Variants in MARVELD3 observed in about 807,000 individuals in gnomAD.
The protein encoded by MARVELD3 is MARVEL domain containing 3.
A neutral mutation model predicts 33.5 loss-of-function variants in MARVELD3; 28 were observed. That is an observed-to-expected ratio of 0.84 (90% confidence interval 0.62 to 1.15). The LOEUF (loss-of-function observed/expected upper bound fraction) is 1.15. Ranked by LOEUF, MARVELD3 falls within the 50% of genes most tolerant of loss-of-function variation. The pLI is 0.00. For synonymous variants in MARVELD3, 241 were observed against 230.4 expected (o/e 1.05, Z -0.42); for missense variants, 582 against 547.6 (o/e 1.06, Z -0.63).
chr16:71,635,463 T>A lies in MARVELD3; in HGVS notation c.*660T>A, dbSNP rs574641197. The A allele has an allele frequency of 7.9e-5, 78 of 984,332 alleles. No individual in the cohort carries two copies. In the African/African-American group the frequency reaches 1.3e-3, roughly 16 times the overall value. 61.0% of individuals were successfully genotyped at this position (984,332 alleles called of 1,614,324 possible). On this transcript the variant is annotated 3_prime_UTR_variant, in exon 3 of 3. Coordinates refer to ENST00000268485, the MANE Select transcript of MARVELD3 (RefSeq NM_052858.6). ...TGATGAACCTTACCTTCAAAGTTCC[T>A]GGGCACAGTGGCTCACACCTGTAAT...
At position 71,635,045 on chromosome 16, in the gene MARVELD3, T is replaced by A; in HGVS notation, c.*242T>A. 8.4e-7 allele frequency: 1 copy of A among 1,192,114 alleles called. No individual in the cohort carries two copies. Among genetic ancestry groups the A allele is most frequent in the Non-Finnish European group, 1.0e-6 (1 of 956,846 alleles). 73.8% of individuals were successfully genotyped at this position (1,192,114 alleles called of 1,614,324 possible). ...AATTATTTTTCAAAAAGCAAAAAAA[T>A]GGCCGGCCTCGGCGGCTCACACCTG... On this transcript the variant is annotated 3_prime_UTR_variant, in exon 3 of 3. Coordinates refer to ENST00000268485, the MANE Select transcript of MARVELD3 (RefSeq NM_052858.6).
rs2044568612 is a variant in MARVELD3, at chr16:71,634,850, T to A, written c.*47T>A. ...AGATGCAAGTGGTGGTGGAAGGTAG[T>A]CTGAGCCACTGCCTTTCCCAAGAAT... is the stretch of plus-strand genomic sequence containing the variant. On this transcript the variant is annotated 3_prime_UTR_variant, in exon 3 of 3. Transcript: ENST00000268485. 1 of 1,528,082 alleles carries A rather than the reference T, an allele frequency of 6.5e-7. No homozygotes were observed. The highest frequency in any genetic ancestry group is 1.4e-5 in the African/African-American group (1 of 71,930). The allele number at this position is 1,528,082 out of a possible 1,614,324, so 94.7% of individuals were successfully genotyped here. A position where few individuals can be genotyped will look rare whatever the true frequency, so the allele number is the denominator to read the frequency against.
At chr16:71,636,882 C>T (rs1004526711), downstream of MARVELD3, among the ~76,000 whole-genome samples, 1 of 152,146 alleles carries the variant, frequency 6.6e-6, no homozygotes, top group African/African-American at 2.4e-5. Flanking sequence ...TGAGCCACCA[C>T]GCCAGACCCA....
chr16:71,640,504 G>A (rs2044609552), downstream of MARVELD3: 5 of 1,614,078 alleles, frequency 3.1e-6, no homozygotes, highest in Non-Finnish European at 4.2e-6. Context: ...GGTGGCTTTG[G>A]GAACAACTAC....
intron 1 of MARVELD3, among the ~76,000 whole-genome samples, chr16:71,627,778 G>T (rs1475244988): frequency 6.6e-6 from 1 of 151,968 alleles, no homozygotes; most frequent in African/African-American, 2.4e-5. Context: ...GGGGAGGGTG[G>T]GGGGGGAAGG....
At chr16:71,637,220 G>T (rs759448175), downstream of MARVELD3, among the ~76,000 whole-genome samples, 1 of 152,254 alleles carries the variant, frequency 6.6e-6, no homozygotes, top group South Asian at 2.1e-4. Context: ...GTCAGTTGGC[G>T]CAGTCAACAG....
intron 2 of MARVELD3, among the ~76,000 whole-genome samples, chr16:71,633,674 C>T (rs952494790): frequency 2.7e-5 from 4 of 149,828 alleles, no homozygotes; most frequent in East Asian, 3.9e-4. Flanking sequence ...GGATTACAGG[C>T]GTGAGCCACC....
chr16:71,640,505 G>A (rs1470551029), downstream of MARVELD3: 3 of 1,614,108 alleles, frequency 1.9e-6, no homozygotes, highest in Non-Finnish European at 2.5e-6. Flanking sequence ...GTGGCTTTGG[G>A]AACAACTACT....
At chr16:71,630,098 G>C (rs1396745316) in intron 2 of MARVELD3, among the ~76,000 whole-genome samples, 3 of 140,644 alleles carry the variant, frequency 2.1e-5, no homozygotes, top group Non-Finnish European at 4.7e-5. Flanking sequence ...AAAAAAAAAA[G>C]GGAAAAAGGC....
Position 71,626,419 on chromosome 16 carries a change from G to A in MARVELD3, c.190G>A (p.Glu64Lys). The A allele has an allele frequency of 1.3e-6, 2 of 1,546,704 alleles. No homozygotes were observed. Residue 64 changes from glutamate to lysine, a missense_variant, in exon 1 of 3, where the codon GAG becomes AAG. Glu to Lys is a moderately conservative substitution (Grantham distance 56). Transcript: ENST00000268485. This position sits in a 1 kb window ranked among gnomAD's most constrained non-coding sequence, Gnocchi z 5.3. ...GGACCGGGACCCGGAGAGAGACCAG[G>A]AGAGGGACGGGAACCGCGACCGGAA... ...DGDRDPERDQ[E>K]RDGNRDRNRD...
Position 71,626,753 on chromosome 16 carries a change from G to C in MARVELD3, c.467+57G>C. ...GCCGGGGACACCTGTGGCCCAGGCC[G>C]GCCCGCGAGGCCCTGGCGTCCCCGG... On this transcript the variant is annotated intron_variant, in intron 1 of 2. Coordinates refer to ENST00000268485, the MANE Select transcript of MARVELD3 (RefSeq NM_052858.6). This position sits in a 1 kb window ranked among gnomAD's most constrained non-coding sequence, Gnocchi z 5.3. The C allele has an allele frequency of 7.5e-7, 1 of 1,325,626 alleles. No homozygotes were observed. The highest frequency in any genetic ancestry group is 9.8e-7 in the Non-Finnish European group (1 of 1,024,880). 82.1% of individuals were successfully genotyped at this position (1,325,626 alleles called of 1,614,324 possible).
At chr16:71,629,531 C>T (rs1016525730) in intron 2 of MARVELD3, 37 bp downstream of exon 2, 2 of 1,534,302 alleles carry the variant, frequency 1.3e-6, no homozygotes, top group African/African-American at 1.4e-5. Context: ...CATTTACTGT[C>T]ACTGGTGGTT....
At position 71,626,600 on chromosome 16, in the gene MARVELD3, G is replaced by A. The variant is rs1372762477; in HGVS notation, c.371G>A (p.Trp124Ter). Residue 124 changes from tryptophan to a stop codon, truncating the protein, a stop_gained, in exon 1 of 3, where the codon TGG becomes TAG. Transcript: ENST00000268485. LOFTEE classifies it high-confidence loss of function. This position sits in a 1 kb window ranked among gnomAD's most constrained non-coding sequence, Gnocchi z 5.3. ...CGGGACGGAGCCCGGGGACTGACCT[G>A]GGACGCAGCCGCGCCTCCTGGGCCC... ...RTRDGARGLT[W>*]DAAAPPGPAP... 1.3e-6 allele frequency: 2 copies of A among 1,542,376 alleles called. No homozygotes were observed. The highest frequency in any genetic ancestry group is 1.7e-6 in the Non-Finnish European group (2 of 1,146,132).
rs1395046784 is a variant in MARVELD3, at chr16:71,634,302, TTAC to T, written c.711_713del (p.Tyr238del). On this transcript the variant is annotated inframe_deletion, in exon 3 of 3. Coordinates refer to ENST00000268485, the MANE Select transcript of MARVELD3 (RefSeq NM_052858.6). Reference sequence around the variant, plus strand: ...CGGGCATCACCAGCTTGGGGGGCATTTACTACTATCAGTTCGGAGGGGCTTACA... The same window carrying T: ...CGGGCATCACCAGCTTGGGGGGCATTTACTATCAGTTCGGAGGGGCTTACA... 3.7e-6 allele frequency: 6 copies of T among 1,614,062 alleles called. No homozygotes were observed. The highest frequency in any genetic ancestry group is 2.2e-5 in the East Asian group (1 of 44,890).
downstream of MARVELD3, chr16:71,640,767 G>A (rs1336162157): frequency 6.2e-7 from 1 of 1,614,134 alleles, no homozygotes; most frequent in African/African-American, 1.3e-5. Context: ...CCTCCACGTG[G>A]CTCTGCAGAT....
At chr16:71,641,058 T>C, downstream of MARVELD3, 4 of 1,571,606 alleles carry the variant, frequency 2.5e-6, no homozygotes, top group Non-Finnish European at 2.6e-6. Flanking sequence ...TGAACGCACA[T>C]TGTTTCTCTC....
intron 2 of MARVELD3, among the ~76,000 whole-genome samples, chr16:71,629,851 A>C (rs2044511385): frequency 6.6e-6 from 1 of 152,104 alleles, no homozygotes; most frequent in Non-Finnish European, 1.5e-5. Context: ...CAGCTGAATT[A>C]ACAGAGAGGG....
chr16:71,629,556 C>A lies in MARVELD3; in HGVS notation c.595+62C>A, dbSNP rs1408955890. On this transcript the variant is annotated intron_variant, in intron 2 of 2. Coordinates refer to ENST00000268485, the MANE Select transcript of MARVELD3 (RefSeq NM_052858.6). Reference sequence around the variant, plus strand: ...CACTGGTGGTTCTGGAAGGGATGGTCTGAGCTGGTGAAGCAAAAATTTAAG... The same window carrying A: ...CACTGGTGGTTCTGGAAGGGATGGTATGAGCTGGTGAAGCAAAAATTTAAG... 6.7e-7 allele frequency: 1 copy of A among 1,488,942 alleles called. No homozygotes were observed. Among genetic ancestry groups the A allele is most frequent in the Non-Finnish European group, 8.9e-7 (1 of 1,127,936 alleles). The allele number at this position is 1,488,942 out of a possible 1,614,324, so 92.2% of individuals were successfully genotyped here.
At chr16:71,628,301 G>A (rs778382008) in intron 1 of MARVELD3, among the ~76,000 whole-genome samples, 7 of 152,150 alleles carry the variant, frequency 4.6e-5, no homozygotes, top group Non-Finnish European at 8.8e-5. Context: ...TTGGGAGGCC[G>A]AAGCGGGCAG....
Sources: gnomAD v4.1 joint callset for allele counts (sites outside exome capture counted in the v4.1 genomes callset) on GRCh38, gnomAD v4.1.1 for gene constraint, Gnocchi (gnomAD v3.1) non-coding constraint, MANE v1.5 for transcripts, NCBI Gene and HGNC (gene_info 2026-07-23, HGNC 2026-07-21) for gene names.